Variants in SYT16 observed in about 807,000 individuals in gnomAD.
The protein encoded by SYT16 is synaptotagmin 16, also known as synaptotagmin-16.
In SYT16, 42 loss-of-function variants were observed where a neutral mutation model predicts 61.4. That is an observed-to-expected ratio of 0.68 (90% CI 0.53 to 0.89). The LOEUF is 0.89. Ranked by LOEUF, SYT16 falls within the 40% of genes least tolerant of loss-of-function variation. The probability of loss-of-function intolerance (pLI) is 0.00; values close to 1 mark genes in which losing one functional copy is unlikely to be tolerated. For synonymous variants in SYT16, 314 were observed against 302.3 expected, an observed-to-expected ratio of 1.04 and a Z score of -0.40; for missense variants, 804 against 807.3, an observed-to-expected ratio of 1.00 and a Z score of 0.05.
rs1337983754 is a variant in SYT16, at chr14:62,050,208, T to G, written c.524-19395T>G. On this transcript the variant is annotated intron_variant, in intron 3 of 7. Coordinates refer to ENST00000683842, the MANE Select transcript of SYT16 (RefSeq NM_001367656.1). The stretch of plus-strand genomic sequence containing the variant: ...TTTTCTCTAAACTTCTCTTCTCGCT[T>G]CATTTCGTTCATTTTGTCTTCCTTT... Among the ~76,000 whole-genome samples, 6 of 152,238 alleles carry G rather than the reference T, an allele frequency of 3.9e-5. No individual in the cohort carries two copies. In the East Asian group the frequency reaches 1.2e-3, roughly 29 times the overall value.
At chr14:62,068,078 A>G (rs1380455205) in intron 3 of SYT16, among the ~76,000 whole-genome samples, 1 of 152,246 alleles carries the variant, frequency 6.6e-6, no homozygotes, top group Non-Finnish European at 1.5e-5. Context: ...TCACCACCTC[A>G]TAAAGGTATC....
chr14:62,049,875 C>A (rs1444620600), intron 3 of SYT16, among the ~76,000 whole-genome samples: 1 of 152,156 alleles, frequency 6.6e-6, no homozygotes, highest in Non-Finnish European at 1.5e-5. Flanking sequence ...TTGTGGGTAA[C>A]CCGACCTTTC....
intron 1 of SYT16, among the ~76,000 whole-genome samples, chr14:61,952,178 T>A (rs2050699511): frequency 6.6e-6 from 1 of 152,114 alleles, no homozygotes; most frequent in Admixed American, 6.6e-5. Flanking sequence ...AAGGCTCATG[T>A]ATTGCTTAAT....
At chr14:61,900,233 A>T (rs2048465704) in intron 1 of SYT16, among the ~76,000 whole-genome samples, 1 of 146,794 alleles carries the variant, frequency 6.8e-6, no homozygotes, top group Admixed American at 7.0e-5. Context: ...ATCTCGGCTC[A>T]CTGCAACCTC....
intron 2 of SYT16, among the ~76,000 whole-genome samples, chr14:61,975,407 A>G (rs2051745730): frequency 6.6e-6 from 1 of 152,190 alleles, no homozygotes; most frequent in African/African-American, 2.4e-5. Flanking sequence ...GCTATAAGTA[A>G]CTGCCTAAGA....
chr14:62,059,942 A>C (rs770269778), intron 3 of SYT16, among the ~76,000 whole-genome samples: 2 of 152,002 alleles, frequency 1.3e-5, no homozygotes, highest in Non-Finnish European at 2.9e-5. Flanking sequence ...GTGTGGCACT[A>C]TTTCTGGACT....
chr14:61,954,688 A>C (rs570546798), intron 1 of SYT16, among the ~76,000 whole-genome samples: 32 of 152,260 alleles, frequency 2.1e-4, no homozygotes, highest in African/African-American at 7.7e-4. Context: ...GGGATGCAAC[A>C]TGCCTTTAAA....
At chr14:61,916,669 C>T (rs767584058) in intron 1 of SYT16, among the ~76,000 whole-genome samples, 27 of 152,216 alleles carry the variant, frequency 1.8e-4, no homozygotes, top group African/African-American at 4.6e-4. Context: ...GCTGTGCTAT[C>T]GAACAGTGGA....
intron 1 of SYT16, among the ~76,000 whole-genome samples, chr14:61,884,927 C>T (rs539319327): frequency 3.9e-5 from 6 of 152,130 alleles, no homozygotes; most frequent in Non-Finnish European, 8.8e-5. Flanking sequence ...CCACTAAAAA[C>T]CAGAGGACTC....
intron 1 of SYT16, among the ~76,000 whole-genome samples, chr14:61,935,646 G>C (rs551336551): frequency 6.6e-6 from 1 of 152,298 alleles, no homozygotes; most frequent in African/African-American, 2.4e-5. Flanking sequence ...CTTCAACCTA[G>C]AGTTTCTCTG....
At chr14:61,859,596 C>T (rs554718683) in intron 1 of SYT16, among the ~76,000 whole-genome samples, 23 of 151,934 alleles carry the variant, frequency 1.5e-4, no homozygotes, top group Admixed American at 1.2e-3. Context: ...AGGTTTAGGA[C>T]ACAGACACAA....
chr14:61,813,804 A>ATTT (rs570260110), intron 1 of SYT16, among the ~76,000 whole-genome samples: 16 of 130,500 alleles, frequency 1.2e-4, no homozygotes, highest in East Asian at 2.3e-4. Flanking sequence ...TTTGGAAGGT[A>ATTT]TTTTTTTTTT....
chr14:61,863,125 T>G (rs1036546488), intron 1 of SYT16, among the ~76,000 whole-genome samples: 8 of 152,348 alleles, frequency 5.3e-5, no homozygotes, highest in South Asian at 4.1e-4. Context: ...TCACGTCCTT[T>G]GGGTAAATCC....
At chr14:61,817,702 A>G (rs2140209039) in intron 1 of SYT16, among the ~76,000 whole-genome samples, 1 of 152,288 alleles carries the variant, frequency 6.6e-6, no homozygotes, top group South Asian at 2.1e-4. Flanking sequence ...GACAAAGGAC[A>G]GTGTTGTGAT....
intron 1 of SYT16, among the ~76,000 whole-genome samples, chr14:61,949,640 A>C (rs2050590414): frequency 6.6e-6 from 1 of 152,104 alleles, no homozygotes; most frequent in Admixed American, 6.5e-5. Flanking sequence ...TGTATTCTTA[A>C]CCAACAAAAT....
chr14:61,920,654 TC>T (rs2049298701), intron 1 of SYT16, among the ~76,000 whole-genome samples: 1 of 152,194 alleles, frequency 6.6e-6, no homozygotes, highest in Non-Finnish European at 1.5e-5. Context: ...GCAGACTTCC[TC>T]CTGATTTCTC....
At chr14:62,038,710 C>T (rs2054602620) in intron 3 of SYT16, among the ~76,000 whole-genome samples, 1 of 152,092 alleles carries the variant, frequency 6.6e-6, no homozygotes. Context: ...TTTGTGTTGA[C>T]CCAGCAGGAA....
intron 4 of SYT16, among the ~76,000 whole-genome samples, chr14:62,072,237 A>T (rs2056324736): frequency 6.6e-6 from 1 of 152,218 alleles, no homozygotes; most frequent in Non-Finnish European, 1.5e-5. Flanking sequence ...CCTCAAAACC[A>T]GCTCAATTGT....
At chr14:61,938,038 C>CACACACACACACACACACAA (rs2050055762) in intron 1 of SYT16, among the ~76,000 whole-genome samples, 1 of 151,732 alleles carries the variant, frequency 6.6e-6, no homozygotes, top group Non-Finnish European at 1.5e-5. Context: ...CACACACACA[C>CACACACACACACACACACAA]ACACACACAC....
Sources: gnomAD v4.1 joint callset for allele counts (sites outside exome capture counted in the v4.1 genomes callset) on GRCh38, gnomAD v4.1.1 for gene constraint, MANE v1.5 for transcripts, NCBI Gene and HGNC (gene_info 2026-07-23, HGNC 2026-07-21) for gene names.